The following SHROOM2 variants were observed in gnomAD, a reference collection of about 807,000 sequenced individuals.
SHROOM2 encodes shroom family member 2.
Under a neutral mutation model 75.9 loss-of-function variants are expected in SHROOM2, and 33 were observed. That is an observed-to-expected ratio of 0.43 (90% CI 0.33 to 0.58). SHROOM2 has a LOEUF of 0.58. Among genes scored for constraint, SHROOM2 ranks in the 20% least tolerant of loss-of-function variants. SHROOM2 has a pLI of 0.04. For missense variants in SHROOM2, 1,434 were observed against 1,461.2 expected (o/e 0.98, Z 0.30); for synonymous variants, 655 against 663.6 (o/e 0.99, Z 0.20).
At chrX:9,822,207 C>T (rs763535426) in intron 1 of SHROOM2, among the ~76,000 whole-genome samples, 2 of 110,540 alleles carry the variant, frequency 1.8e-5, no homozygotes, top group Middle Eastern at 4.6e-3. Context: ...GGGTGAACCC[C>T]GATTGAGGGA....
chrX:9,815,973 G>A (rs985431020), intron 1 of SHROOM2, among the ~76,000 whole-genome samples: 1 of 112,186 alleles, frequency 8.9e-6, no homozygotes, highest in African/African-American at 3.2e-5. Flanking sequence ...TTGACACTCA[G>A]TATTAACCAT....
rs1372400771 is a variant in SHROOM2 at position 9,907,882 on chromosome X, G to T, written c.2891+9592G>T. On this transcript the variant is annotated intron_variant, in intron 5 of 9. Transcript: ENST00000380913. ...GGCAGAGAGTTGAGTCATTGCAACA[G>T]ATCGGATGGCTCCTAGGGCTGAAAA... 2.7e-5 allele frequency among the ~76,000 whole-genome samples: 3 copies of T among 111,808 alleles called. No individual in the cohort carries two copies. In the Admixed American group the frequency reaches 2.8e-4, roughly 11 times the overall value.
chrX:9,939,895 T>C (rs2084754142), intron 8 of SHROOM2, among the ~76,000 whole-genome samples: 2 of 110,098 alleles, frequency 1.8e-5, no homozygotes, highest in Middle Eastern at 4.6e-3. Flanking sequence ...CAAGCAATTC[T>C]CCTACCTCAG....
At chrX:9,877,747 C>T (rs941148347) in intron 2 of SHROOM2, among the ~76,000 whole-genome samples, 4 of 108,879 alleles carry the variant, frequency 3.7e-5, no homozygotes, top group East Asian at 3.0e-4. Context: ...GGCCAGAAAC[C>T]GGGTGACCCT....
rs1429595482 is a variant in SHROOM2 at position 9,937,423 on chromosome X, G to A, written c.3877G>A (p.Asp1293Asn). 2 of 1,210,680 alleles carry A rather than the reference G, an allele frequency of 1.7e-6. No individual in the cohort carries two copies. The highest frequency in any genetic ancestry group is 4.4e-5 in the Admixed American group (2 of 45,962). The change falls in exon 7 of 10, where the codon GAC (aspartate) becomes AAC (asparagine). Residue 1293 changes from aspartate to asparagine, a missense_variant. Physicochemically the swap from Asp to Asn is conservative, Grantham distance 23. This residue lies in a region of SHROOM2 where 1,340 missense variants were observed against 1,338.3 expected (regional missense o/e 1.00). Coordinates refer to ENST00000380913, the MANE Select transcript of SHROOM2 (RefSeq NM_001649.4). ...PLGTQVPPEK[D>N]RCTSPPGLSY... is the part of the protein sequence containing the mutation. The stretch of plus-strand genomic sequence containing the variant: ...GGGCACCCAGGTGCCCCCCGAGAAA[G>A]ACCGCTGCACCTCCCCTCCAGGGCT...
Position 9,903,370 on chromosome X carries a change from A to C in SHROOM2, c.2891+5080A>C, listed in dbSNP as rs6640548. ...TGAAACTTGATCTTGGAATTTTGTC[A>C]GGGCAGAGCCCAGCATTCTGCATAG... On this transcript the variant is annotated intron_variant, in intron 5 of 9. Transcript: ENST00000380913. Among the ~76,000 whole-genome samples the C allele has an allele frequency of 3.6e-5, 4 of 111,011 alleles. No individual in the cohort carries two copies. The South Asian group carries it at 1.5e-3, about 42-fold the overall frequency.
chrX:9,834,551 G>A (rs1239973438), intron 1 of SHROOM2, among the ~76,000 whole-genome samples: 1 of 111,538 alleles, frequency 9.0e-6, no homozygotes, highest in African/African-American at 3.3e-5. Flanking sequence ...GGAAGCCATG[G>A]GCTCATTGCG....
At chrX:9,865,799 A>G (rs2084133681) in intron 1 of SHROOM2, among the ~76,000 whole-genome samples, 1 of 109,118 alleles carries the variant, frequency 9.2e-6, no homozygotes, top group Non-Finnish European at 1.9e-5. Context: ...TGACCTCATG[A>G]TTCGCCCACC....
intron 1 of SHROOM2, among the ~76,000 whole-genome samples, chrX:9,787,992 C>CTTTTTTTTTTTTTTTTTTTTTTTTTTT (rs58004470): frequency 4.7e-5 from 4 of 84,229 alleles, no homozygotes; most frequent in African/African-American, 1.7e-4. Flanking sequence ...TTTCTTTCTT[C>CTTTTTTTTTTTTTTTTTTTTTTTTTTT]TTTTTTTTTT....
chrX:9,821,449 G>A (rs759968031), intron 1 of SHROOM2, among the ~76,000 whole-genome samples: 2 of 110,982 alleles, frequency 1.8e-5, no homozygotes, highest in Non-Finnish European at 3.8e-5. Flanking sequence ...GGGTAAATGT[G>A]GAAAATGGGA....
At chrX:9,873,538 C>T (rs1481061073) in intron 1 of SHROOM2, 114 bp from the exon 2 acceptor site, 1 of 881,543 alleles carries the variant, frequency 1.1e-6, no homozygotes, top group East Asian at 3.1e-5. Flanking sequence ...TAAGGTCAGC[C>T]CCCAGGGCCC....
chrX:9,849,985 G>A (rs1341757051), intron 1 of SHROOM2, among the ~76,000 whole-genome samples: 2 of 112,133 alleles, frequency 1.8e-5, no homozygotes, highest in Non-Finnish European at 3.8e-5. Context: ...TGGTGGGGAG[G>A]ATTGGGGACA....
chrX:9,930,169 G>T (rs7060401), intron 5 of SHROOM2, among the ~76,000 whole-genome samples: 2 of 111,093 alleles, frequency 1.8e-5, no homozygotes, highest in Non-Finnish European at 3.8e-5. Context: ...TTTTCAAAGG[G>T]AAAAAAAGTG....
rs751136259 is a variant in SHROOM2 at position 9,895,709 on chromosome X, A to G, written c.1801A>G (p.Ser601Gly). 19 of 1,192,534 alleles carry G rather than the reference A, an allele frequency of 1.6e-5. No individual in the cohort carries two copies. Among genetic ancestry groups the G allele is most frequent in the Non-Finnish European group, 2.1e-5 (19 of 887,679 alleles). Residue 601 changes from serine to glycine, a missense_variant, in exon 4 of 10, where the codon AGT becomes GGT. Physicochemically the swap from Ser to Gly is moderately conservative, Grantham distance 56 (BLOSUM62 0). Around this residue, in one of 3 missense-constraint regions of SHROOM2, gnomAD observed 1,340 missense variants for 1,338.3 expected, o/e 1.00. Coordinates refer to ENST00000380913, the MANE Select transcript of SHROOM2 (RefSeq NM_001649.4). ...TQEGKRRPES[S>G]PEDSATRPPP... is the part of the protein sequence containing the mutation. ...GGAGGGGAAGCGCCGGCCTGAGAGC[A>G]GTCCAGAGGACAGCGCCACCAGACC...
Position 9,896,480 on chromosome X carries a change from G to T in SHROOM2, c.2572G>T (p.Ala858Ser), listed in dbSNP as rs753343617. 15 of 1,209,367 alleles carry T rather than the reference G, an allele frequency of 1.2e-5. No homozygotes were observed. In the South Asian group the frequency reaches 2.6e-4, roughly 21 times the overall value. The change falls in exon 4 of 10, where the codon GCG becomes TCG. Residue 858 changes from alanine (A) to serine (S), a missense_variant. Physicochemically the swap from Ala to Ser is moderately conservative, Grantham distance 99. Transcript: ENST00000380913. ...LGDSLNAHSAAEKAGTSDLPR... is the reference protein window; with the variant it reads ...LGDSLNAHSASEKAGTSDLPR... Reference sequence around the variant, plus strand: ...GGACAGCCTCAACGCTCACAGCGCAGCGGAGAAGGCAGGGACTTCAGACCT... The same window carrying T: ...GGACAGCCTCAACGCTCACAGCGCATCGGAGAAGGCAGGGACTTCAGACCT...
chrX:9,903,683 A>G (rs1435284558), intron 5 of SHROOM2, among the ~76,000 whole-genome samples: 4 of 110,917 alleles, frequency 3.6e-5, no homozygotes, highest in African/African-American at 6.6e-5. Context: ...AGCTGGGACT[A>G]TAGGTGCACA....
At chrX:9,793,643 C>T (rs979793546) in intron 1 of SHROOM2, among the ~76,000 whole-genome samples, 2 of 111,051 alleles carry the variant, frequency 1.8e-5, no homozygotes, top group Non-Finnish European at 3.8e-5. Flanking sequence ...TACTCAGGCA[C>T]AATTCTTGGC....
At chrX:9,915,747 G>A (rs1205357897) in intron 5 of SHROOM2, among the ~76,000 whole-genome samples, 3 of 112,117 alleles carry the variant, frequency 2.7e-5, no homozygotes, top group Admixed American at 9.5e-5. Flanking sequence ...TGCATATAAA[G>A]TTAATGTCAT....
At chrX:9,848,807 T>C (rs2084022438) in intron 1 of SHROOM2, among the ~76,000 whole-genome samples, 1 of 111,174 alleles carries the variant, frequency 9.0e-6, no homozygotes, top group African/African-American at 3.3e-5. Context: ...GGGGAAGCTC[T>C]CAATAGTAAC....
Sources: allele counts gnomAD v4.1 joint callset (sites outside exome capture counted in the v4.1 genomes callset), GRCh38; gene constraint gnomAD v4.1.1; regional missense constraint gnomAD v4.1.1; transcripts MANE v1.5; gene names NCBI Gene and HGNC (gene_info 2026-07-23, HGNC 2026-07-21).